FILIP1L: variants seen among roughly 807,000 people sequenced by gnomAD.
FILIP1L encodes the protein filamin A-interacting protein 1-like.
Under a neutral mutation model 96.6 loss-of-function variants are expected in FILIP1L, and 55 were observed. The observed-to-expected ratio is 0.57, with a 90% confidence interval of 0.46 to 0.71. The LOEUF is 0.71. Among genes scored for constraint, FILIP1L ranks in the 30% least tolerant of loss-of-function variants. The pLI, the probability that FILIP1L is intolerant of heterozygous loss-of-function variation, is 0.00. For synonymous variants in FILIP1L, 467 were observed against 473.9 expected (o/e 0.99, Z 0.19); for missense variants, 1,304 against 1,321.2 (o/e 0.99, Z 0.20).
chr3:99,942,840 CTG>C (rs1707891542), intron 1 of FILIP1L, among the ~76,000 whole-genome samples: 1 of 150,610 alleles, frequency 6.6e-6, no homozygotes, highest in African/African-American at 2.4e-5. Context: ...AAAAAAAAAA[CTG>C]AAAAACAAGA....
At chr3:99,997,646 A>C (rs1314789353) in intron 1 of FILIP1L, among the ~76,000 whole-genome samples, 1 of 152,208 alleles carries the variant, frequency 6.6e-6, no homozygotes, top group East Asian at 1.9e-4. Context: ...GAAAAAGTAA[A>C]AAGAATATTT....
intron 1 of FILIP1L, among the ~76,000 whole-genome samples, chr3:99,944,804 A>C (rs537359618): frequency 6.6e-6 from 1 of 152,310 alleles, no homozygotes; most frequent in South Asian, 2.1e-4. Flanking sequence ...ATATCAATAA[A>C]ATTAAAGTAG....
intron 4 of FILIP1L, among the ~76,000 whole-genome samples, chr3:99,900,019 G>A (rs1038993937): frequency 3.3e-5 from 5 of 152,152 alleles, no homozygotes; most frequent in Non-Finnish European, 7.3e-5. Flanking sequence ...AACTTGTCAG[G>A]ACTTTAGGAT....
intron 1 of FILIP1L, among the ~76,000 whole-genome samples, chr3:99,983,464 G>GTGTGTA (rs1491438114): frequency 4.7e-4 from 6 of 12,688 alleles, no homozygotes; most frequent in African/African-American, 1.3e-3. Context: ...ATATATGTGT[G>GTGTGTA]TATATATATA....
At chr3:100,074,880 G>C (rs1454138049) in intron 1 of FILIP1L, among the ~76,000 whole-genome samples, 3 of 151,276 alleles carry the variant, frequency 2.0e-5, no homozygotes, top group Non-Finnish European at 4.4e-5. Context: ...TTTTAATAGA[G>C]ACAGGGTTTC....
chr3:99,856,064 G>A (rs1943946780), intron 4 of FILIP1L, among the ~76,000 whole-genome samples: 1 of 152,176 alleles, frequency 6.6e-6, no homozygotes, highest in Non-Finnish European at 1.5e-5. Context: ...TCCATCCATT[G>A]TTTGGTTCTG....
At chr3:100,023,688 A>G (rs561283042) in intron 1 of FILIP1L, among the ~76,000 whole-genome samples, 20 of 152,282 alleles carry the variant, frequency 1.3e-4, no homozygotes, top group African/African-American at 4.8e-4. Flanking sequence ...TTGGCCTCAT[A>G]TAAACCATGA....
intron 1 of FILIP1L, among the ~76,000 whole-genome samples, chr3:100,004,827 C>A (rs1709943269): frequency 6.6e-6 from 1 of 152,140 alleles, no homozygotes; most frequent in African/African-American, 2.4e-5. Flanking sequence ...TTGAGTTTCC[C>A]CCTATGGGGC....
chr3:99,872,809 A>G (rs974986468), intron 4 of FILIP1L, among the ~76,000 whole-genome samples: 4 of 152,152 alleles, frequency 2.6e-5, no homozygotes, highest in Non-Finnish European at 4.4e-5. Flanking sequence ...CTCATATCTG[A>G]AAAAGAAACC....
At chr3:100,048,843 A>T (rs990018673) in intron 1 of FILIP1L, among the ~76,000 whole-genome samples, 1 of 152,180 alleles carries the variant, frequency 6.6e-6, no homozygotes, top group Non-Finnish European at 1.5e-5. Context: ...TTTAAAAAAA[A>T]ATCTGTTGTG....
At chr3:100,083,767 G>T (rs1230393997) in intron 1 of FILIP1L, among the ~76,000 whole-genome samples, 1 of 152,026 alleles carries the variant, frequency 6.6e-6, no homozygotes, top group African/African-American at 2.4e-5. Context: ...AGAGAAGGGG[G>T]TCTCCCTATG....
chr3:99,979,936 T>A (rs1002166871), intron 1 of FILIP1L, among the ~76,000 whole-genome samples: 2 of 152,156 alleles, frequency 1.3e-5, no homozygotes, highest in African/African-American at 4.8e-5. Context: ...AGAACTAATT[T>A]GTGGTTAAGG....
intron 4 of FILIP1L, among the ~76,000 whole-genome samples, chr3:99,902,094 G>T (rs917412509): frequency 6.6e-6 from 1 of 151,986 alleles, no homozygotes; most frequent in Admixed American, 6.6e-5. Flanking sequence ...TAAATGATTG[G>T]CTTGCTTTCA....
chr3:99,985,939 G>A (rs1315994539), intron 1 of FILIP1L, among the ~76,000 whole-genome samples: 1 of 152,062 alleles, frequency 6.6e-6, no homozygotes, highest in Non-Finnish European at 1.5e-5. Flanking sequence ...AACACATTGG[G>A]GGTTAAAGTC....
intron 1 of FILIP1L, among the ~76,000 whole-genome samples, chr3:100,035,654 A>G (rs17392948): frequency 0.16 from 24,443 of 152,224 alleles, 2,339 homozygotes; most frequent in South Asian, 0.21. Context: ...AAAGAAATTG[A>G]ACCATAGAAG....
At chr3:99,929,264 G>T (rs545224459) in intron 3 of FILIP1L, among the ~76,000 whole-genome samples, 5 of 152,172 alleles carry the variant, frequency 3.3e-5, no homozygotes, top group Non-Finnish European at 5.9e-5. Context: ...CACCTTTGCC[G>T]TTGTAATTGC....
rs541953401 is a variant in FILIP1L at position 99,843,937 on chromosome 3, C to T, written c.3381+4358G>A. On this transcript the variant is annotated intron_variant, in intron 5 of 5. Coordinates refer to ENST00000477258, the MANE Select transcript of FILIP1L (RefSeq NM_001387850.1). ...TCTAGGCTGAGCACTCTTTATGAGA[C>T]TCTAGCTAATGCCTAATGATCTGAG... 6.6e-5 allele frequency among the ~76,000 whole-genome samples: 10 copies of T among 152,312 alleles called. No individual in the cohort carries two copies. In the South Asian group the frequency reaches 1.7e-3, roughly 25 times the overall value.
chr3:100,056,800 C>G (rs538574247), intron 1 of FILIP1L, among the ~76,000 whole-genome samples: 268 of 151,314 alleles, frequency 1.8e-3, no homozygotes, highest in African/African-American at 6.2e-3. Flanking sequence ...GTCAGGAGAT[C>G]GAGACCATCC....
intron 1 of FILIP1L, among the ~76,000 whole-genome samples, chr3:99,996,103 T>C (rs1430727209): frequency 6.6e-6 from 1 of 152,220 alleles, no homozygotes; most frequent in African/African-American, 2.4e-5. Context: ...CAAAATTTTA[T>C]GCTCTGCTTC....
Sources: allele counts gnomAD v4.1 joint callset (sites outside exome capture counted in the v4.1 genomes callset), GRCh38; gene constraint gnomAD v4.1.1; transcripts MANE v1.5; gene names NCBI Gene and HGNC (gene_info 2026-07-23, HGNC 2026-07-21).